EYA1: variants seen among roughly 807,000 people sequenced by gnomAD.
The protein encoded by EYA1 is protein phosphatase EYA1.
EYA1 carries 16 observed loss-of-function variants against 82.0 expected under a neutral mutation model. The observed-to-expected ratio is 0.20, with a 90% CI of 0.13 to 0.30. EYA1 has a LOEUF of 0.30. EYA1 is among the 10% of genes least tolerant of loss of function. EYA1 has a pLI of 1.00. For synonymous variants in EYA1, 261 were observed against 264.4 expected (o/e 0.99, Z 0.12); for missense variants, 633 against 730.7 (o/e 0.87, Z 1.54).
At chr8:71,497,178 C>T (rs1811476366) in intron 2 of EYA1, among the ~76,000 whole-genome samples, 1 of 152,148 alleles carries the variant, frequency 6.6e-6, no homozygotes, top group African/African-American at 2.4e-5. Context: ...TTGGGCCATA[C>T]ATAAAATATA....
At chr8:71,290,490 T>C (rs2128986139) in intron 9 of EYA1, among the ~76,000 whole-genome samples, 1 of 152,320 alleles carries the variant, frequency 6.6e-6, no homozygotes, top group African/African-American at 2.4e-5. Context: ...ATGCATTATT[T>C]TGATTAATAT....
At chr8:71,290,839 A>G (rs1349983348) in intron 9 of EYA1, among the ~76,000 whole-genome samples, 1 of 152,228 alleles carries the variant, frequency 6.6e-6, no homozygotes, top group Non-Finnish European at 1.5e-5. Flanking sequence ...AAATGCCATC[A>G]AGACAAACAA....
intron 2 of EYA1, chr8:71,530,964 T>A (rs933029761): frequency 2.6e-5 from 4 of 152,202 alleles, no homozygotes; most frequent in Non-Finnish European, 5.9e-5. Context: ...GTAAGTTAAG[T>A]ATCTACCATT....
At chr8:71,277,798 TAGTA>T (rs1817374336) in intron 9 of EYA1, among the ~76,000 whole-genome samples, 1 of 152,210 alleles carries the variant, frequency 6.6e-6, no homozygotes, top group African/African-American at 2.4e-5. Flanking sequence ...TTCTTCAGTC[TAGTA>T]TTTATTAAAG....
intron 4 of EYA1, among the ~76,000 whole-genome samples, chr8:71,330,896 T>A (rs936637590): frequency 1.1e-4 from 16 of 151,930 alleles, no homozygotes; most frequent in Non-Finnish European, 4.4e-5. Context: ...CATATGTACC[T>A]CACATTCTGT....
At position 71,461,004 on chromosome 8, in the gene EYA1, A is replaced by T. The variant is rs1318182079; in HGVS notation, c.33+74740T>A. ...TGAAAGCTAGATTTTAGGAAGAACAAACAGCATATGCAAATAAAACAATTG... is the reference window on the plus strand; with the variant it reads ...TGAAAGCTAGATTTTAGGAAGAACATACAGCATATGCAAATAAAACAATTG... On this transcript the variant is annotated intron_variant, in intron 2 of 18. Coordinates refer to the EYA1 transcript ENST00000643681. 2.6e-5 allele frequency among the ~76,000 whole-genome samples: 4 copies of T among 152,256 alleles called. No homozygotes were observed. The South Asian group carries it at 8.3e-4, about 32-fold the overall frequency.
intron 11 of EYA1, among the ~76,000 whole-genome samples, chr8:71,258,726 T>C (rs974945207): frequency 1.3e-5 from 2 of 152,258 alleles, no homozygotes; most frequent in South Asian, 2.1e-4. Flanking sequence ...AGAACTATTA[T>C]AGTTACATTT....
chr8:71,346,431 A>AATATATATAATATATATATATAT (rs770393582), intron 3 of EYA1, among the ~76,000 whole-genome samples: 5 of 105,492 alleles, frequency 4.7e-5, no homozygotes, highest in African/African-American at 1.4e-4. Flanking sequence ...TACTGCAGTG[A>AATATATATAATATATATATATAT]ATATATATAT....
In EYA1 at chr8:71,236,436, C is replaced by T. The variant is rs181723945; in HGVS notation, c.1140+8167G>A. Among the ~76,000 whole-genome samples the T allele has an allele frequency of 2.0e-5, 3 of 152,232 alleles. No homozygotes were observed. In the East Asian group the frequency reaches 5.8e-4, roughly 29 times the overall value. On this transcript the variant is annotated intron_variant, in intron 12 of 17. Coordinates refer to ENST00000340726, the MANE Select transcript of EYA1 (RefSeq NM_000503.6). ...GCTAATTTTTAAAACTTGAAATCGA[C>T]CATGAATACCTTCCCTATATACAAT...
chr8:71,368,141 G>T (rs146379153), intron 2 of EYA1, among the ~76,000 whole-genome samples: 65 of 152,278 alleles, frequency 4.3e-4, no homozygotes, highest in Non-Finnish European at 4.3e-4. Flanking sequence ...GTAAAGCAAA[G>T]CCAAAGATCT....
chr8:71,276,268 C>T lies in EYA1; in HGVS notation c.827-4371G>A, dbSNP rs1196714798. Among the ~76,000 whole-genome samples, 4 of 152,174 alleles carry T rather than the reference C, an allele frequency of 2.6e-5. No individual in the cohort carries two copies. The East Asian group carries it at 5.8e-4, about 22-fold the overall frequency. On this transcript the variant is annotated intron_variant, in intron 9 of 17. Coordinates refer to ENST00000340726, the MANE Select transcript of EYA1 (RefSeq NM_000503.6). ...GCCAGTTGATGGACTATATTTTGAG[C>T]AGCAGTGCACTGGAGTTTCTTCCAT...
intron 3 of EYA1, among the ~76,000 whole-genome samples, chr8:71,353,442 A>G (rs1026438416): frequency 6.6e-6 from 1 of 152,250 alleles, no homozygotes; most frequent in Admixed American, 6.5e-5. Context: ...AAAAAGTTTC[A>G]GAGGAAAAGG....
intron 2 of EYA1, among the ~76,000 whole-genome samples, chr8:71,428,586 A>T (rs1464317406): frequency 6.6e-6 from 1 of 152,144 alleles, no homozygotes; most frequent in Non-Finnish European, 1.5e-5. Context: ...CTAGAACAAG[A>T]TCCTGCTATA....
intron 1 of EYA1, among the ~76,000 whole-genome samples, chr8:71,537,005 G>A (rs529123182): frequency 1.3e-5 from 2 of 152,292 alleles, no homozygotes; most frequent in African/African-American, 2.4e-5. Context: ...GTAATGTAAT[G>A]AGTCTATGTA....
intron 2 of EYA1, among the ~76,000 whole-genome samples, chr8:71,459,931 A>G (rs967564536): frequency 6.6e-6 from 1 of 152,210 alleles, no homozygotes; most frequent in Admixed American, 6.5e-5. Context: ...TTATCAGCAT[A>G]TGAATTCAGA....
chr8:71,509,934 A>C (rs959274110), intron 2 of EYA1, among the ~76,000 whole-genome samples: 1 of 152,026 alleles, frequency 6.6e-6, no homozygotes, highest in Non-Finnish European at 1.5e-5. Context: ...GGGAATTCAG[A>C]AGCAAAATTT....
At chr8:71,489,307 T>A (rs76048946) in intron 2 of EYA1, among the ~76,000 whole-genome samples, 1 of 150,080 alleles carries the variant, frequency 6.7e-6, no homozygotes, top group East Asian at 2.0e-4. Flanking sequence ...CTTTTCTATC[T>A]TTTTTTTTTC....
intron 2 of EYA1, among the ~76,000 whole-genome samples, chr8:71,468,218 C>T (rs1165312601): frequency 6.6e-6 from 1 of 152,106 alleles, no homozygotes; most frequent in African/African-American, 2.4e-5. Flanking sequence ...AAGTTCATCC[C>T]ATTAGGCAAA....
In EYA1 at chr8:71,361,932, C is replaced by G. The variant is rs55997623; in HGVS notation, c.-340G>C. On this transcript the variant is annotated 5_prime_UTR_variant, in exon 1 of 18. Transcript: ENST00000340726. ...GCCACAGTGGACGGCAACAGGAAGG[C>G]TTAAAGTCGGAAGTGGCACTGGAGA... The G allele has an allele frequency of 2.7e-5, 27 of 985,436 alleles. No homozygotes were observed. Among genetic ancestry groups the G allele is most frequent in the Admixed American group, 1.2e-4 (2 of 16,294 alleles). 61.0% of individuals were successfully genotyped at this position (985,436 alleles called of 1,614,324 possible). A position where few individuals can be genotyped will look rare whatever the true frequency, so the allele number is the denominator to read the frequency against.
Sources: gnomAD v4.1 joint callset for allele counts (sites outside exome capture counted in the v4.1 genomes callset) on GRCh38, gnomAD v4.1.1 for gene constraint, MANE v1.5 for transcripts, NCBI Gene and HGNC (gene_info 2026-07-23, HGNC 2026-07-21) for gene names.